PROCR: variants seen among roughly 807,000 people sequenced by gnomAD.
The protein encoded by PROCR is endothelial protein C receptor.
Under a neutral mutation model 24.2 loss-of-function variants are expected in PROCR, and 22 were observed. The ratio of observed to expected loss-of-function variants is 0.91; its 90% CI spans 0.65 to 1.30. The LOEUF is 1.30. Among genes scored for constraint, PROCR ranks in the 50% most tolerant of loss-of-function variants. The pLI, the probability that PROCR is intolerant of heterozygous loss-of-function variation, is 0.00. For missense variants in PROCR, 288 were observed against 307.7 expected (o/e 0.94, Z 0.48); for synonymous variants, 137 against 139.2 (o/e 0.98, Z 0.11).
chr20:35,184,860 A>G (rs1372188156), intron 1 of PROCR, among the ~76,000 whole-genome samples: 4 of 152,194 alleles, frequency 2.6e-5, no homozygotes, highest in African/African-American at 9.7e-5. Flanking sequence ...CAATATAAAT[A>G]AAGGTAAATA....
At position 35,176,761 on chromosome 20, in the gene PROCR, T is replaced by C. The variant is rs1379957761; in HGVS notation, c.665T>C (p.Ile222Thr). 1 of 1,614,100 alleles carries C rather than the reference T, an allele frequency of 6.2e-7. No individual in the cohort carries two copies. Among genetic ancestry groups the C allele is most frequent in the Admixed American group, 1.7e-5 (1 of 60,006 alleles). Residue 222 changes from isoleucine (I) to threonine (T), a missense_variant, in exon 4 of 4, where the codon ATT becomes ACT. Physicochemically the swap from Ile to Thr is moderately conservative, Grantham distance 89. Transcript: ENST00000216968. ...VLGVLVGSFI[I>T]AGVAVGIFLC... Reference sequence around the variant, plus strand: ...GGCGTCCTGGTGGGCAGTTTCATCATTGCTGGTGTGGCTGTAGGCATCTTC... The same window carrying C: ...GGCGTCCTGGTGGGCAGTTTCATCACTGCTGGTGTGGCTGTAGGCATCTTC...
At chr20:35,198,231 G>T (rs2060305930) in intron 1 of PROCR, among the ~76,000 whole-genome samples, 1 of 151,344 alleles carries the variant, frequency 6.6e-6, no homozygotes. Context: ...GGTGGAGCTT[G>T]CAGTGAGCTG....
intron 1 of PROCR, among the ~76,000 whole-genome samples, chr20:35,213,309 G>C (rs2060368963): frequency 6.6e-6 from 1 of 151,952 alleles, no homozygotes; most frequent in Non-Finnish European, 1.5e-5. Context: ...CTCCATCCTG[G>C]GTAACGGAGC....
intron 2 of PROCR, among the ~76,000 whole-genome samples, chr20:35,175,915 A>G (rs531002146): frequency 6.7e-6 from 1 of 148,880 alleles, no homozygotes; most frequent in East Asian, 2.0e-4. Flanking sequence ...TTTTTCTATT[A>G]CAGTTGAACA....
Position 35,212,672 on chromosome 20 carries a change from T to A in PROCR, c.95-3221T>A, listed in dbSNP as rs929512411. The stretch of plus-strand genomic sequence containing the variant: ...CCAACTGGAAAGTACTTAGGTTGAT[T>A]TTGGTGTTTTGTAATTACAAAGAAT... On this transcript the variant is annotated intron_variant, in intron 1 of 1. Transcript: ENST00000634509. 3.3e-5 allele frequency among the ~76,000 whole-genome samples: 5 copies of A among 152,216 alleles called. No individual in the cohort carries two copies. In the East Asian group the frequency reaches 9.6e-4, roughly 29 times the overall value.
intron 1 of PROCR, among the ~76,000 whole-genome samples, chr20:35,204,053 G>C (rs1194056274): frequency 6.6e-6 from 1 of 152,076 alleles, no homozygotes; most frequent in Non-Finnish European, 1.5e-5. Context: ...AAAAGAAAGA[G>C]AGAAGACATA....
chr20:35,189,176 T>C (rs56400269), intron 1 of PROCR, among the ~76,000 whole-genome samples: 3,532 of 152,108 alleles, frequency 0.023, 74 homozygotes, highest in South Asian at 0.088. Context: ...ATTTCTCTTA[T>C]TACCAAAAAT....
intron 1 of PROCR, among the ~76,000 whole-genome samples, chr20:35,205,709 C>A (rs1388587286): frequency 7.0e-6 from 1 of 143,104 alleles, no homozygotes; most frequent in Non-Finnish European, 1.5e-5. Context: ...CAAGATCATG[C>A]CATTGCACTC....
At chr20:35,203,465 C>T (rs961083881) in intron 1 of PROCR, among the ~76,000 whole-genome samples, 4 of 150,996 alleles carry the variant, frequency 2.6e-5, no homozygotes, top group Admixed American at 6.6e-5. Flanking sequence ...TCTTTTTAGA[C>T]GAACTCTTGG....
chr20:35,174,560 G>C lies in PROCR; in HGVS notation c.71-142G>C, dbSNP rs542414388. The C allele has an allele frequency of 2.1e-5, 21 of 1,013,038 alleles. No individual in the cohort carries two copies. In the East Asian group the frequency reaches 4.7e-4, roughly 23 times the overall value. The allele number at this position is 1,013,038 out of a possible 1,614,324, so 62.8% of individuals were successfully genotyped here. On this transcript the variant is annotated intron_variant, in intron 1 of 3. Transcript: ENST00000216968. ...GGCAGAGTTACTGTCAGCGTCAAAC[G>C]GGAGAAGCGGTGGGAGGGCACATTA...
chr20:35,191,819 G>T (rs1351313485), intron 1 of PROCR, among the ~76,000 whole-genome samples: 1 of 152,204 alleles, frequency 6.6e-6, no homozygotes, highest in Non-Finnish European at 1.5e-5. Context: ...TTCTGAGTGA[G>T]ATGGAAAGGC....
chr20:35,196,391 A>G (rs1452524320), intron 1 of PROCR, among the ~76,000 whole-genome samples: 2 of 152,054 alleles, frequency 1.3e-5, no homozygotes, highest in Non-Finnish European at 2.9e-5. Flanking sequence ...GTGAACCCCA[A>G]AAGGATAAAA....
intron 3 of PROCR, 105 bp from the exon 4 acceptor site, chr20:35,176,593 T>C (rs760746643): frequency 3.2e-6 from 5 of 1,577,910 alleles, no homozygotes; most frequent in Non-Finnish European, 4.3e-6. Context: ...AGTCAGTTGG[T>C]AAACGGGTCC....
chr20:35,175,654 G>A (rs1359388702), intron 2 of PROCR, among the ~76,000 whole-genome samples: 2 of 129,162 alleles, frequency 1.5e-5, no homozygotes, highest in African/African-American at 6.0e-5. Context: ...GCGCGATCTC[G>A]GCTCACTGCA....
intron 1 of PROCR, among the ~76,000 whole-genome samples, chr20:35,189,783 CG>C (rs1388550856): frequency 2.6e-5 from 4 of 152,118 alleles, no homozygotes; most frequent in Non-Finnish European, 5.9e-5. Context: ...GTTGAAATAT[CG>C]GGGGCTGGTT....
intron 1 of PROCR, among the ~76,000 whole-genome samples, chr20:35,213,336 A>T (rs1158822751): frequency 6.6e-6 from 1 of 152,190 alleles, no homozygotes; most frequent in African/African-American, 2.4e-5. Context: ...GTCTCAAAAA[A>T]AAAAAAGAGT....
At chr20:35,214,911 T>C (rs1391760928) in intron 1 of PROCR, among the ~76,000 whole-genome samples, 2 of 141,662 alleles carry the variant, frequency 1.4e-5, no homozygotes, top group Admixed American at 1.4e-4. Context: ...CTTTTTCTTT[T>C]TTTTTTTTTT....
At chr20:35,178,964 G>A (rs1462195728), downstream of PROCR, among the ~76,000 whole-genome samples, 3 of 150,456 alleles carry the variant, frequency 2.0e-5, no homozygotes, top group African/African-American at 7.3e-5. Flanking sequence ...GGGCACGGTG[G>A]CTCATGCCTG....
At chr20:35,203,692 A>G (rs1380242659) in intron 1 of PROCR, among the ~76,000 whole-genome samples, 3 of 152,170 alleles carry the variant, frequency 2.0e-5, no homozygotes, top group African/African-American at 7.2e-5. Flanking sequence ...TAAATAATCC[A>G]TGGGTCAGAG....
Sources: gnomAD v4.1 joint callset for allele counts (sites outside exome capture counted in the v4.1 genomes callset) on GRCh38, gnomAD v4.1.1 for gene constraint, MANE v1.5 for transcripts, NCBI Gene and HGNC (gene_info 2026-07-23, HGNC 2026-07-21) for gene names.